The following TBC1D16 variants were observed in gnomAD, a reference collection of about 807,000 sequenced individuals.
The protein encoded by TBC1D16 is CTD-2529O21.1.
Under a neutral mutation model 74.7 loss-of-function variants are expected in TBC1D16, and 58 were observed. The observed-to-expected ratio is 0.78, with a 90% CI of 0.63 to 0.97. TBC1D16 has a LOEUF of 0.97. Among genes scored for constraint, TBC1D16 ranks in the 50% least tolerant of loss-of-function variants. The pLI is 0.00. For synonymous variants in TBC1D16, 493 were observed against 474.7 expected (o/e 1.04, Z -0.50); for missense variants, 1,014 against 1,079.5 (o/e 0.94, Z 0.85).
rs558491653 is a variant in TBC1D16, at chr17:80,007,979, C to T, written c.779+2181G>A. Among the ~76,000 whole-genome samples the T allele has an allele frequency of 5.3e-4, 81 of 151,854 alleles. No individual in the cohort carries two copies. Among genetic ancestry groups the T allele is most frequent in the Non-Finnish European group, 2.4e-4 (16 of 67,944 alleles). ...AGAGTGAGTGCACAGCACGCCTGTCCGCTGCCCACTGATGCCAATACATCC... is the reference window on the plus strand; with the variant it reads ...AGAGTGAGTGCACAGCACGCCTGTCTGCTGCCCACTGATGCCAATACATCC... On this transcript the variant is annotated intron_variant, in intron 3 of 11. Coordinates refer to ENST00000310924, the MANE Select transcript of TBC1D16 (RefSeq NM_019020.4). This position sits in a 1 kb window ranked among gnomAD's most constrained non-coding sequence, Gnocchi z 4.5.
At chr17:79,998,597 G>A (rs186640049) in intron 3 of TBC1D16, among the ~76,000 whole-genome samples, 2 of 145,890 alleles carry the variant, frequency 1.4e-5, no homozygotes, top group African/African-American at 2.5e-5. Flanking sequence ...CACCCACCTC[G>A]GCCTCCCAAA....
chr17:79,947,916 C>T, intron 8 of TBC1D16, 85 bp from the exon 9 acceptor site: 1 of 1,152,624 alleles, frequency 8.7e-7, no homozygotes. Context: ...GGCCGTGGAC[C>T]CTGCCTTCCC....
rs1352620224 is a variant in TBC1D16 at position 80,007,526 on chromosome 17, C to T, written c.779+2634G>A. ...CTCCCAGCAGCTGGGGACGGACAGG[C>T]GGACAGGGTGTCTCAGTGGGGACTC... On this transcript the variant is annotated intron_variant, in intron 3 of 11. Coordinates refer to ENST00000310924, the MANE Select transcript of TBC1D16 (RefSeq NM_019020.4). This position sits in a 1 kb window ranked among gnomAD's most constrained non-coding sequence, Gnocchi z 4.5. Among the ~76,000 whole-genome samples the T allele has an allele frequency of 1.3e-5, 2 of 152,156 alleles. No homozygotes were observed. Among genetic ancestry groups the T allele is most frequent in the Non-Finnish European group, 1.5e-5 (1 of 68,030 alleles).
At chr17:79,955,465 T>G (rs2033293349) in intron 3 of TBC1D16, among the ~76,000 whole-genome samples, 1 of 152,222 alleles carries the variant, frequency 6.6e-6, no homozygotes, top group Non-Finnish European at 1.5e-5. Flanking sequence ...CAGAAAAAAA[T>G]GTTTAAAGAA....
chr17:80,028,950 C>A (rs1372287369), intron 1 of TBC1D16, among the ~76,000 whole-genome samples: 2 of 152,054 alleles, frequency 1.3e-5, no homozygotes, highest in East Asian at 3.9e-4. Context: ...CCATTGGTGA[C>A]CAGTAGGTAG....
rs578092786 is a variant in TBC1D16 at position 80,010,208 on chromosome 17, G to A, written c.731C>T (p.Ala244Val). The change falls in exon 3 of 12, where the codon GCG (alanine) becomes GTG (valine). Residue 244 changes from alanine (A) to valine (V), a missense_variant. Ala to Val is a moderately conservative substitution (Grantham distance 64). Transcript: ENST00000310924. This position sits in a 1 kb window ranked among gnomAD's most constrained non-coding sequence, Gnocchi z 8.8. Reference sequence around the variant, plus strand: ...GGAGCCGCGGCTCTCGGCCAGCGCCGCGCTGATGGGCGAGAGGCAGAAGGG... The same window carrying A: ...GGAGCCGCGGCTCTCGGCCAGCGCCACGCTGATGGGCGAGAGGCAGAAGGG... Reference protein sequence around the residue: ...SSPFCLSPISAALAESRGSVF... With the variant: ...SSPFCLSPISVALAESRGSVF... 42 of 1,612,958 alleles carry A rather than the reference G, an allele frequency of 2.6e-5. No individual in the cohort carries two copies. The highest frequency in any genetic ancestry group is 1.6e-4 in the East Asian group (7 of 44,850).
chr17:80,020,162 C>G (rs973738042), intron 1 of TBC1D16, among the ~76,000 whole-genome samples: 2 of 149,880 alleles, frequency 1.3e-5, no homozygotes, highest in Non-Finnish European at 2.9e-5. Flanking sequence ...ACAATCCTGC[C>G]GACACCTTGA....
At chr17:79,953,102 G>A (rs2033161421) in intron 3 of TBC1D16, 1 of 273,584 alleles carries the variant, frequency 3.7e-6, no homozygotes, top group East Asian at 6.4e-5. Context: ...AGGTCACACT[G>A]ACTGGGGTTC....
In TBC1D16 at chr17:79,993,241, G is replaced by T. The variant is rs2035142861; in HGVS notation, c.779+16919C>A. Among the ~76,000 whole-genome samples the T allele has an allele frequency of 6.6e-6, 1 of 152,212 alleles. No homozygotes were observed. The highest frequency in any genetic ancestry group is 2.1e-4 in the South Asian group (1 of 4,832). Reference sequence around the variant, plus strand: ...AAGATCATCTCTGTCACCACCTGGGGGTAATAAGGTCAGGGATATGCCCCA... The same window carrying T: ...AAGATCATCTCTGTCACCACCTGGGTGTAATAAGGTCAGGGATATGCCCCA... On this transcript the variant is annotated intron_variant, in intron 3 of 11. Transcript: ENST00000310924. The surrounding 1 kb of genome is among the most constrained non-coding windows in gnomAD (Gnocchi z 5.1).
chr17:80,015,355 AC>A (rs1315851531), intron 1 of TBC1D16, among the ~76,000 whole-genome samples: 1 of 151,994 alleles, frequency 6.6e-6, no homozygotes, highest in Non-Finnish European at 1.5e-5. Context: ...AATTGCTTGA[AC>A]CCGGGAGGTG....
rs1322882231 is a variant in TBC1D16, at chr17:79,980,829, G to A, written c.780-28011C>T. Reference sequence around the variant, plus strand: ...CACACCTGGGACTGCCCGAATCTGTGCCCTGGTCCCCGTTACTGTTCCTGC... The same window carrying A: ...CACACCTGGGACTGCCCGAATCTGTACCCTGGTCCCCGTTACTGTTCCTGC... On this transcript the variant is annotated intron_variant, in intron 3 of 11. Coordinates refer to ENST00000310924, the MANE Select transcript of TBC1D16 (RefSeq NM_019020.4). This position sits in a 1 kb window ranked among gnomAD's most constrained non-coding sequence, Gnocchi z 7.0. Among the ~76,000 whole-genome samples the A allele has an allele frequency of 6.6e-6, 1 of 152,186 alleles. No homozygotes were observed. The highest frequency in any genetic ancestry group is 1.5e-5 in the Non-Finnish European group (1 of 68,036).
rs985943902 is a variant in TBC1D16 at position 80,035,870 on chromosome 17, A to G, written c.-138T>C. The G allele has an allele frequency of 7.6e-5, 11 of 144,906 alleles. No individual in the cohort carries two copies. Among genetic ancestry groups the G allele is most frequent in the Middle Eastern group, 3.5e-3 (1 of 286 alleles). The allele number at this position is 144,906 out of a possible 1,614,324, so 9.0% of individuals were successfully genotyped here. The stretch of plus-strand genomic sequence containing the variant: ...CGTCGCCTCCGCCGCTGCCGCCGCC[A>G]GTGAGGCGCGGCGGGGCGGGGACGC... On this transcript the variant is annotated 5_prime_UTR_variant, in exon 1 of 12. Coordinates refer to ENST00000310924, the MANE Select transcript of TBC1D16 (RefSeq NM_019020.4). The surrounding 1 kb of genome is among the most constrained non-coding windows in gnomAD (Gnocchi z 5.3).
At chr17:80,024,967 A>G (rs542043043) in intron 1 of TBC1D16, among the ~76,000 whole-genome samples, 3,242 of 135,458 alleles carry the variant, frequency 0.024, 108 homozygotes, top group Non-Finnish European at 0.032. Flanking sequence ...CCACACACAC[A>G]ACCCCGTAGG....
intron 3 of TBC1D16, among the ~76,000 whole-genome samples, chr17:79,999,034 T>A (rs2035383999): frequency 2.0e-5 from 3 of 152,068 alleles, no homozygotes. Context: ...GGCGGGGGGA[T>A]TACCTGAGGT....
In TBC1D16 at chr17:79,950,635, C is replaced by T; in HGVS notation, c.1090-57G>A. The T allele has an allele frequency of 1.3e-6, 2 of 1,582,982 alleles. No homozygotes were observed. The highest frequency in any genetic ancestry group is 2.3e-5 in the South Asian group (2 of 86,644). ...GATCTCAGCCGCGCGGCTTCAGAGG[C>T]CAGCAGTGCTTTTCCCAGGAATAAA... On this transcript the variant is annotated intron_variant, in intron 5 of 11. Coordinates refer to ENST00000310924, the MANE Select transcript of TBC1D16 (RefSeq NM_019020.4). The surrounding 1 kb of genome is among the most constrained non-coding windows in gnomAD (Gnocchi z 4.6).
At chr17:79,946,577 T>C (rs1475247046) in intron 9 of TBC1D16, among the ~76,000 whole-genome samples, 2 of 151,986 alleles carry the variant, frequency 1.3e-5, no homozygotes, top group African/African-American at 4.8e-5. Flanking sequence ...GGGGACCCCA[T>C]TCTACAAGTC....
At position 80,009,674 on chromosome 17, in the gene TBC1D16, G is replaced by A. The variant is rs1163203558; in HGVS notation, c.779+486C>T. ...GGGACCACAGGGGGCCAGGTCACGT[G>A]CCCAGTGGGCTGCAGGGCAGAGCGG... On this transcript the variant is annotated intron_variant, in intron 3 of 11. Coordinates refer to ENST00000310924, the MANE Select transcript of TBC1D16 (RefSeq NM_019020.4). The surrounding 1 kb of genome is among the most constrained non-coding windows in gnomAD (Gnocchi z 5.4). Among the ~76,000 whole-genome samples, 1 of 152,240 alleles carries A rather than the reference G, an allele frequency of 6.6e-6. No individual in the cohort carries two copies. The highest frequency in any genetic ancestry group is 1.9e-4 in the East Asian group (1 of 5,196).
chr17:79,979,204 A>C lies in TBC1D16; in HGVS notation c.780-26386T>G, dbSNP rs2034470313. On this transcript the variant is annotated intron_variant, in intron 3 of 11. Coordinates refer to ENST00000310924, the MANE Select transcript of TBC1D16 (RefSeq NM_019020.4). This position sits in a 1 kb window ranked among gnomAD's most constrained non-coding sequence, Gnocchi z 4.8. ...ATAGGAGCTGGGCAGGGAAGGCCAG[A>C]GCACACACGCTCCGGGGACGCACAC... Among the ~76,000 whole-genome samples the C allele has an allele frequency of 6.6e-6, 1 of 152,154 alleles. No homozygotes were observed. The highest frequency in any genetic ancestry group is 1.5e-5 in the Non-Finnish European group (1 of 68,026).
At chr17:79,948,546 G>A (rs768335656) in intron 8 of TBC1D16, among the ~76,000 whole-genome samples, 6 of 152,096 alleles carry the variant, frequency 3.9e-5, no homozygotes, top group Non-Finnish European at 7.4e-5. Flanking sequence ...GTATGACTAC[G>A]GGACCACCCA....
Sources: allele counts gnomAD v4.1 joint callset (sites outside exome capture counted in the v4.1 genomes callset), GRCh38; gene constraint gnomAD v4.1.1; non-coding constraint Gnocchi (gnomAD v3.1); transcripts MANE v1.5; gene names NCBI Gene and HGNC (gene_info 2026-07-23, HGNC 2026-07-21).